The following CXXC4 variants were observed in gnomAD, a reference collection of about 807,000 sequenced individuals.
CXXC4 encodes CXXC finger protein 4.
A neutral mutation model predicts 20.5 loss-of-function variants in CXXC4; 5 were observed. That is an observed-to-expected ratio of 0.24 (90% CI 0.13 to 0.51). The LOEUF is 0.51. Among genes scored for constraint, CXXC4 ranks in the 20% least tolerant of loss-of-function variants. The probability of loss-of-function intolerance (pLI) is 0.97; values close to 1 mark genes in which losing one functional copy is unlikely to be tolerated. For missense variants in CXXC4, 419 were observed against 496.4 expected (o/e 0.84, Z 1.48); for synonymous variants, 250 against 216.4 (o/e 1.16, Z -1.36).
Position 104,469,576 on chromosome 4 carries a change from C to T in CXXC4, c.*2746G>A, listed in dbSNP as rs1391123211. Reference sequence around the variant, plus strand: ...ATGAAAAATGTAAACTTTCAAATCACTGCCTTAGGTTTATAATGATAAGCT... The same window carrying T: ...ATGAAAAATGTAAACTTTCAAATCATTGCCTTAGGTTTATAATGATAAGCT... On this transcript the variant is annotated 3_prime_UTR_variant, in exon 3 of 3. Coordinates refer to ENST00000394767, the MANE Select transcript of CXXC4 (RefSeq NM_025212.4). 1 of 151,944 alleles carries T rather than the reference C, an allele frequency of 6.6e-6. No individual in the cohort carries two copies. Among genetic ancestry groups the T allele is most frequent in the Admixed American group, 6.6e-5 (1 of 15,210 alleles). 9.4% of individuals were successfully genotyped at this position (151,944 alleles called of 1,614,324 possible).
Position 104,478,903 on chromosome 4 carries a change from A to G in CXXC4, c.1060-6537T>C, listed in dbSNP as rs144106593. 5.8e-3 allele frequency among the ~76,000 whole-genome samples: 885 copies of G among 152,190 alleles called. 5 individuals are homozygous for G. The highest frequency in any genetic ancestry group is 9.9e-3 in the Non-Finnish European group (671 of 67,974). ...AAGAATGATTGAAATTATTTTATTT[A>G]TATAGTCATATGTTCATATTTCATT... On this transcript the variant is annotated intron_variant, in intron 2 of 2. Coordinates refer to ENST00000394767, the MANE Select transcript of CXXC4 (RefSeq NM_025212.4).
At chr4:104,475,281 C>T (rs1736375163) in intron 2 of CXXC4, 1 of 151,900 alleles carries the variant, frequency 6.6e-6, no homozygotes, top group Non-Finnish European at 1.5e-5. Flanking sequence ...TGGGAAATCA[C>T]CAAATAAAAT....
At chr4:104,482,645 C>T (rs1198755016) in intron 2 of CXXC4, among the ~76,000 whole-genome samples, 6 of 152,086 alleles carry the variant, frequency 3.9e-5, no homozygotes, top group South Asian at 4.1e-4. Flanking sequence ...CACTAGTTCT[C>T]GCCATTTCCA....
chr4:104,493,622 A>C (rs1736964483), intron 1 of CXXC4, among the ~76,000 whole-genome samples: 1 of 152,206 alleles, frequency 6.6e-6, no homozygotes, highest in South Asian at 2.1e-4. Context: ...GCTTGCAGGC[A>C]TCTTTCAATC....
intron 2 of CXXC4, among the ~76,000 whole-genome samples, chr4:104,485,253 T>G (rs1421824563): frequency 6.6e-6 from 1 of 152,046 alleles, no homozygotes; most frequent in East Asian, 1.9e-4. Flanking sequence ...CAAACTAATC[T>G]TGGAATATGA....
At position 104,491,600 on chromosome 4, in the gene CXXC4, G is replaced by T; in HGVS notation, c.203C>A (p.Thr68Asn). 1.3e-6 allele frequency: 2 copies of T among 1,541,182 alleles called. No individual in the cohort carries two copies. Among genetic ancestry groups the T allele is most frequent in the Non-Finnish European group, 1.7e-6 (2 of 1,143,318 alleles). Reference sequence around the variant, plus strand: ...GGCGGCGCTGCTGGGGAAGATGGGGGTGGTGATGCGCGCGATCTTGGCCGC... The same window carrying T: ...GGCGGCGCTGCTGGGGAAGATGGGGTTGGTGATGCGCGCGATCTTGGCCGC... Reference protein sequence around the residue: ...PQAAKIARITTPIFPSSAAAA... With the variant: ...PQAAKIARITNPIFPSSAAAA... The change falls in exon 2 of 3, where the codon ACC becomes AAC. Residue 68 changes from threonine (T) to asparagine (N), a missense_variant. By Grantham distance (65) the Thr-to-Asn change is moderately conservative (BLOSUM62 0). Coordinates refer to ENST00000394767, the MANE Select transcript of CXXC4 (RefSeq NM_025212.4).
At position 104,471,495 on chromosome 4, in the gene CXXC4, T is replaced by C. The variant is rs1197393895; in HGVS notation, c.*827A>G. ...CATTTTCCAACTACTCTGAGTACTC[T>C]GCCTTACAGTGCAACCCAAGACAAG... On this transcript the variant is annotated 3_prime_UTR_variant, in exon 3 of 3. Coordinates refer to ENST00000394767, the MANE Select transcript of CXXC4 (RefSeq NM_025212.4). 6.6e-6 allele frequency: 1 copy of C among 152,016 alleles called. No individual in the cohort carries two copies. The highest frequency in any genetic ancestry group is 1.5e-5 in the Non-Finnish European group (1 of 67,964). 9.4% of individuals were successfully genotyped at this position (152,016 alleles called of 1,614,324 possible).
chr4:104,486,392 T>G (rs1367707070), intron 2 of CXXC4, among the ~76,000 whole-genome samples: 2 of 152,060 alleles, frequency 1.3e-5, no homozygotes, highest in African/African-American at 4.8e-5. Flanking sequence ...ACAAATTCAT[T>G]TGTGGCTTTA....
At chr4:104,483,022 G>A (rs533538094) in intron 2 of CXXC4, among the ~76,000 whole-genome samples, 127 of 151,894 alleles carry the variant, frequency 8.4e-4, no homozygotes, top group Non-Finnish European at 1.5e-3. Context: ...AGACACAAAT[G>A]GGATACCATT....
chr4:104,476,042 A>T (rs1382270258), intron 2 of CXXC4, among the ~76,000 whole-genome samples: 4 of 152,256 alleles, frequency 2.6e-5, no homozygotes, highest in Middle Eastern at 3.4e-3. Context: ...CAGGTACAAC[A>T]CTATCTTCAA....
At chr4:104,483,653 A>G (rs1477726261) in intron 2 of CXXC4, among the ~76,000 whole-genome samples, 2 of 151,936 alleles carry the variant, frequency 1.3e-5, no homozygotes, top group African/African-American at 2.4e-5. Context: ...TATTTGTTAC[A>G]TATGTTTTCC....
chr4:104,490,646 G>C, intron 2 of CXXC4, 98 bp downstream of exon 2: 1 of 1,094,598 alleles, frequency 9.1e-7, no homozygotes, highest in Non-Finnish European at 1.3e-6. Context: ...TTCTGAGAAG[G>C]GGTACTGCAT....
At chr4:104,494,401 T>G (rs1338011394) in intron 1 of CXXC4, 1 of 152,140 alleles carries the variant, frequency 6.6e-6, no homozygotes, top group Admixed American at 6.5e-5. Context: ...AGCGACGCTT[T>G]TTCTTGCTGG....
At chr4:104,479,339 A>G (rs1451407812) in intron 2 of CXXC4, among the ~76,000 whole-genome samples, 2 of 152,208 alleles carry the variant, frequency 1.3e-5, no homozygotes, top group East Asian at 3.9e-4. Context: ...ATACGAAAAT[A>G]AAGTAGTTAC....
chr4:104,477,649 TAA>T lies in CXXC4; in HGVS notation c.1060-5285_1060-5284del, dbSNP rs1384064556. Among the ~76,000 whole-genome samples the T allele has an allele frequency of 3.3e-5, 5 of 151,972 alleles. No individual in the cohort carries two copies. The South Asian group carries it at 6.2e-4, about 19-fold the overall frequency. The stretch of plus-strand genomic sequence containing the variant: ...ACTAGTAAAGTATAGGCTAATAATA[TAA>T]GAGAACTATTAATGATTATCACACA... On this transcript the variant is annotated intron_variant, in intron 2 of 2. Coordinates refer to ENST00000394767, the MANE Select transcript of CXXC4 (RefSeq NM_025212.4).
chr4:104,491,683 C>T lies in CXXC4; in HGVS notation c.120G>A (p.Glu40=), dbSNP rs1736883570. ...NSLVDYNSEM[E]RYRSFATSFY... ...AGGAGGTGGCAAAGGAGCGGTAGCGCTCCATTTCCGAGTTGTAATCCACAA... is the reference window on the plus strand; with the variant it reads ...AGGAGGTGGCAAAGGAGCGGTAGCGTTCCATTTCCGAGTTGTAATCCACAA... The change falls in exon 2 of 3, where the codon GAG becomes GAA. Residue 40 remains glutamate (E), a synonymous_variant. Transcript: ENST00000394767. 3.9e-6 allele frequency: 6 copies of T among 1,545,624 alleles called. No homozygotes were observed. Among genetic ancestry groups the T allele is most frequent in the African/African-American group, 2.8e-5 (2 of 72,642 alleles).
At chr4:104,487,046 T>C (rs543855998) in intron 2 of CXXC4, among the ~76,000 whole-genome samples, 3 of 152,284 alleles carry the variant, frequency 2.0e-5, no homozygotes, top group Admixed American at 2.0e-4. Context: ...CAACCTAACT[T>C]GTGGAAAAAT....
At chr4:104,486,304 A>G (rs909010158) in intron 2 of CXXC4, among the ~76,000 whole-genome samples, 4 of 152,104 alleles carry the variant, frequency 2.6e-5, no homozygotes, top group Non-Finnish European at 2.9e-5. Flanking sequence ...ATAAAAAACA[A>G]CTTTAACTCC....
At chr4:104,473,211 G>C (rs2110269536) in intron 2 of CXXC4, among the ~76,000 whole-genome samples, 1 of 151,884 alleles carries the variant, frequency 6.6e-6, no homozygotes, top group South Asian at 2.1e-4. Context: ...ATAGTCTAGT[G>C]AGAACCATAC....
Sources: allele counts gnomAD v4.1 joint callset (sites outside exome capture counted in the v4.1 genomes callset), GRCh38; gene constraint gnomAD v4.1.1; transcripts MANE v1.5; gene names NCBI Gene and HGNC (gene_info 2026-07-23, HGNC 2026-07-21).